Variants in FGFR2 observed in about 807,000 individuals in gnomAD.
FGFR2 encodes BEK fibroblast growth factor receptor.
FGFR2 carries 19 observed loss-of-function variants against 95.9 expected under a neutral mutation model. That is an observed-to-expected ratio of 0.20 (90% CI 0.14 to 0.29). The LOEUF is 0.29. Ranked by LOEUF, FGFR2 falls within the 10% of genes least tolerant of loss-of-function variation. FGFR2 has a pLI of 1.00. For missense variants in FGFR2, 707 were observed against 1,056.9 expected, an observed-to-expected ratio of 0.67 and a Z score of 4.59; for synonymous variants, 392 against 393.3, an observed-to-expected ratio of 1.00 and a Z score of 0.04.
In FGFR2 at chr10:121,518,558, TA is replaced by T; in HGVS notation, c.940-1096del. 9.2e-7 allele frequency: 1 copy of T among 1,090,912 alleles called. No individual in the cohort carries two copies. Among genetic ancestry groups the T allele is most frequent in the Non-Finnish European group, 1.3e-6 (1 of 757,300 alleles). The allele number at this position is 1,090,912 out of a possible 1,614,324, so 67.6% of individuals were successfully genotyped here. On this transcript the variant is annotated intron_variant, in intron 7 of 17. Transcript: ENST00000358487. This position sits in a 1 kb window ranked among gnomAD's most constrained non-coding sequence, Gnocchi z 4.0. ...CTGCATCACCGAAGAAAGATTATTA[TA>T]AATATACCAAGGCCACAAGAGTTAT...
At chr10:121,580,844 G>C (rs754351594) in intron 2 of FGFR2, among the ~76,000 whole-genome samples, 24 of 152,208 alleles carry the variant, frequency 1.6e-4, no homozygotes, top group African/African-American at 5.1e-4. Context: ...AACAAACTTT[G>C]AAGAGTCACT....
intron 2 of FGFR2, among the ~76,000 whole-genome samples, chr10:121,572,476 GGGCGTGGT>G (rs1858965456): frequency 6.6e-6 from 1 of 152,216 alleles, no homozygotes; most frequent in Admixed American, 6.5e-5. Context: ...AAAATTAGCT[GGGCGTGGT>G]GGCATGTGCC....
chr10:121,566,958 G>A (rs1230250864), intron 2 of FGFR2, among the ~76,000 whole-genome samples: 1 of 152,096 alleles, frequency 6.6e-6, no homozygotes, highest in Non-Finnish European at 1.5e-5. Flanking sequence ...CAGCTGGAGC[G>A]GCCAGCTGGG....
chr10:121,533,946 T>A lies in FGFR2; in HGVS notation c.748+4646A>T, dbSNP rs2134519361. Among the ~76,000 whole-genome samples, 2 of 152,072 alleles carry A rather than the reference T, an allele frequency of 1.3e-5. 1 individual carries two copies. The highest frequency in any genetic ancestry group is 4.2e-4 in the South Asian group (2 of 4,816). On this transcript the variant is annotated intron_variant, in intron 6 of 17. Coordinates refer to ENST00000358487, the MANE Select transcript of FGFR2 (RefSeq NM_000141.5). ...AGAAGCCAACTCCATGAACTTCAAG[T>A]CCTCAAACTCCACACCCCTCTCCTG... is the stretch of plus-strand genomic sequence containing the variant.
At position 121,517,651 on chromosome 10, in the gene FGFR2, C is replaced by G. The variant is rs1168513227; in HGVS notation, c.940-188G>C. On this transcript the variant is annotated intron_variant, in intron 7 of 17. Transcript: ENST00000358487. The surrounding 1 kb of genome is among the most constrained non-coding windows in gnomAD (Gnocchi z 4.7). Reference sequence around the variant, plus strand: ...AGCAACACTGACCAGCTCACCTCCACAGGCCCGTCACCACACCGGCTTCAC... The same window carrying G: ...AGCAACACTGACCAGCTCACCTCCAGAGGCCCGTCACCACACCGGCTTCAC... Among the ~76,000 whole-genome samples, 1 of 152,086 alleles carries G rather than the reference C, an allele frequency of 6.6e-6. No individual in the cohort carries two copies. The highest frequency in any genetic ancestry group is 1.5e-5 in the Non-Finnish European group (1 of 68,008).
intron 6 of FGFR2, among the ~76,000 whole-genome samples, chr10:121,528,935 T>C (rs1455863000): frequency 6.6e-6 from 1 of 152,168 alleles, no homozygotes; most frequent in Non-Finnish European, 1.5e-5. Context: ...AAAATTTATT[T>C]ATTTATTTTG....
chr10:121,479,522 A>G lies in FGFR2; in HGVS notation c.*335T>C. ...GCTCTGTAAGTGTGTGCTGACATAAATCTTCTCCAATTATTACAAAATTAA... is the reference window on the plus strand; with the variant it reads ...GCTCTGTAAGTGTGTGCTGACATAAGTCTTCTCCAATTATTACAAAATTAA... On this transcript the variant is annotated 3_prime_UTR_variant, in exon 18 of 18. Transcript: ENST00000358487. 1 of 1,420,560 alleles carries G rather than the reference A, an allele frequency of 7.0e-7. No individual in the cohort carries two copies. The highest frequency in any genetic ancestry group is 1.3e-5 in the South Asian group (1 of 76,606). 88.0% of individuals were successfully genotyped at this position (1,420,560 alleles called of 1,614,324 possible).
At chr10:121,542,789 T>C (rs1424915285) in intron 5 of FGFR2, among the ~76,000 whole-genome samples, 1 of 152,152 alleles carries the variant, frequency 6.6e-6, no homozygotes, top group Non-Finnish European at 1.5e-5. Context: ...TCGGAATTCT[T>C]CTGTTACCTT....
At chr10:121,552,479 C>T (rs541738140) in intron 4 of FGFR2, among the ~76,000 whole-genome samples, 22 of 152,290 alleles carry the variant, frequency 1.4e-4, no homozygotes, top group African/African-American at 4.8e-4. Context: ...AGGCACAGAG[C>T]AGTTAAGTAA....
intron 13 of FGFR2, among the ~76,000 whole-genome samples, chr10:121,493,714 T>C (rs1364397655): frequency 6.6e-6 from 1 of 152,146 alleles, no homozygotes; most frequent in Non-Finnish European, 1.5e-5. Context: ...ACAGCTCCCT[T>C]TGCTGCCTCC....
chr10:121,539,285 A>C (rs1428357876), intron 5 of FGFR2, among the ~76,000 whole-genome samples: 1 of 152,194 alleles, frequency 6.6e-6, no homozygotes, highest in Non-Finnish European at 1.5e-5. Flanking sequence ...TGCCCTTCCC[A>C]TCTCTGGTTG....
chr10:121,494,668 C>T (rs1238119741), intron 13 of FGFR2, among the ~76,000 whole-genome samples: 1 of 152,130 alleles, frequency 6.6e-6, no homozygotes, highest in African/African-American at 2.4e-5. Flanking sequence ...TACTCAATCA[C>T]TTGCTGTCTC....
rs751783 is a variant in FGFR2, at chr10:121,578,959, G to A, written c.110-13255C>T. ...TCTGGGTCAGTAGGCCTGCAGGTGCGGGCTGACATTCTTTATTTCCCACAG... is the reference window on the plus strand; with the variant it reads ...TCTGGGTCAGTAGGCCTGCAGGTGCAGGCTGACATTCTTTATTTCCCACAG... On this transcript the variant is annotated intron_variant, in intron 2 of 17. Coordinates refer to ENST00000358487, the MANE Select transcript of FGFR2 (RefSeq NM_000141.5). 5.0e-3 allele frequency among the ~76,000 whole-genome samples: 755 copies of A among 152,232 alleles called. 8 individuals carry two copies. The highest frequency in any genetic ancestry group is 0.017 in the African/African-American group (690 of 41,538).
chr10:121,521,489 G>A (rs975523586), intron 6 of FGFR2, among the ~76,000 whole-genome samples: 3 of 150,020 alleles, frequency 2.0e-5, no homozygotes, highest in Non-Finnish European at 4.5e-5. Flanking sequence ...ATGGGCTAAG[G>A]ACTTAACTAT....
In FGFR2 at chr10:121,485,005, C is replaced by T. The variant is rs1292370690; in HGVS notation, c.2195+390G>A. On this transcript the variant is annotated intron_variant, in intron 16 of 17. Transcript: ENST00000358487. The surrounding 1 kb of genome is among the most constrained non-coding windows in gnomAD (Gnocchi z 4.2). Reference sequence around the variant, plus strand: ...CTGTGTTGGTTCCTTAATCCTACACCCTGCAGGGCGGCCCCGCGGCTTTCT... The same window carrying T: ...CTGTGTTGGTTCCTTAATCCTACACTCTGCAGGGCGGCCCCGCGGCTTTCT... Among the ~76,000 whole-genome samples, 1 of 152,094 alleles carries T rather than the reference C, an allele frequency of 6.6e-6. No homozygotes were observed. The highest frequency in any genetic ancestry group is 2.4e-5 in the African/African-American group (1 of 41,416).
At chr10:121,524,146 A>ACACACACACCCCCCCCC (rs142755962) in intron 6 of FGFR2, among the ~76,000 whole-genome samples, 2 of 136,888 alleles carry the variant, frequency 1.5e-5, no homozygotes, top group Non-Finnish European at 1.5e-5. Context: ...ACACACACAC[A>ACACACACACCCCCCCCC]CCCCAAGTTT....
chr10:121,490,811 C>T (rs892555403), intron 13 of FGFR2, among the ~76,000 whole-genome samples: 4 of 152,184 alleles, frequency 2.6e-5, no homozygotes, highest in Admixed American at 2.0e-4. Flanking sequence ...CCACCCCGAC[C>T]CCTAGCTATT....
rs1476686939 is a variant in FGFR2 at position 121,528,873 on chromosome 10, C to CT, written c.749-8705dup. Among the ~76,000 whole-genome samples the CT allele has an allele frequency of 3.9e-4, 60 of 152,040 alleles. No individual in the cohort carries two copies. In the East Asian group the frequency reaches 0.012, roughly 29 times the overall value. On this transcript the variant is annotated intron_variant, in intron 6 of 17. Transcript: ENST00000358487. Reference sequence around the variant, plus strand: ...CAGCCCCAGTCCCTCCCTATGAACACTCGGTGAGAGTCTCACATACAGAAT... The same window carrying CT: ...CAGCCCCAGTCCCTCCCTATGAACACTTCGGTGAGAGTCTCACATACAGAAT...
intron 2 of FGFR2, among the ~76,000 whole-genome samples, chr10:121,568,346 T>A (rs920569555): frequency 6.6e-6 from 1 of 152,224 alleles, no homozygotes; most frequent in Non-Finnish European, 1.5e-5. Context: ...CATGTTAGAA[T>A]GAATTTACAT....
Sources: gnomAD v4.1 joint callset for allele counts (sites outside exome capture counted in the v4.1 genomes callset) on GRCh38, gnomAD v4.1.1 for gene constraint, Gnocchi (gnomAD v3.1) non-coding constraint, MANE v1.5 for transcripts, NCBI Gene and HGNC (gene_info 2026-07-23, HGNC 2026-07-21) for gene names.